The following NSUN3 variants were observed in gnomAD, a reference collection of about 807,000 sequenced individuals.
NSUN3 encodes the protein NOP2/Sun RNA methyltransferase 3.
A neutral mutation model predicts 36.8 loss-of-function variants in NSUN3; 24 were observed. The observed-to-expected ratio is 0.65, with a 90% confidence interval of 0.47 to 0.92. NSUN3 has a LOEUF of 0.92. Among genes scored for constraint, NSUN3 ranks in the 40% least tolerant of loss-of-function variants. NSUN3 has a pLI of 0.00. For synonymous variants in NSUN3, 146 were observed against 145.2 expected (o/e 1.01, Z -0.04); for missense variants, 381 against 392.8 (o/e 0.97, Z 0.25).
chr3:94,125,712 G>T (rs556325005), intron 5 of NSUN3, among the ~76,000 whole-genome samples: 56 of 152,110 alleles, frequency 3.7e-4, no homozygotes, highest in South Asian at 6.2e-4. Context: ...TTTCCATGTT[G>T]ATTGGTCTGA....
At chr3:94,074,972 A>G (rs2077240451) in intron 2 of NSUN3, among the ~76,000 whole-genome samples, 1 of 152,138 alleles carries the variant, frequency 6.6e-6, no homozygotes, top group South Asian at 2.1e-4. Context: ...ATTTTGAGAT[A>G]TGATCCATCG....
chr3:94,100,414 G>A (rs2107259930), intron 5 of NSUN3, among the ~76,000 whole-genome samples: 1 of 152,274 alleles, frequency 6.6e-6, no homozygotes, highest in African/African-American at 2.4e-5. Flanking sequence ...CTTCCGTGTG[G>A]AATCTAAGAG....
chr3:94,094,401 T>C, intron 4 of NSUN3, 107 bp downstream of exon 4: 1 of 1,131,484 alleles, frequency 8.8e-7, no homozygotes, highest in Non-Finnish European at 1.2e-6. Flanking sequence ...CCTGATACAG[T>C]TTCTCAGTAC....
intron 2 of NSUN3, chr3:94,076,870 C>G: frequency 6.5e-7 from 1 of 1,533,140 alleles, no homozygotes; most frequent in Non-Finnish European, 9.0e-7. Context: ...ATTCTCCTTT[C>G]TCACTGTCGT....
chr3:94,070,331 C>T (rs1056165009), intron 2 of NSUN3, among the ~76,000 whole-genome samples: 8 of 151,914 alleles, frequency 5.3e-5, no homozygotes, highest in East Asian at 1.9e-4. Context: ...TGTGGTGGTG[C>T]GTGCCTGTAG....
intron 2 of NSUN3, among the ~76,000 whole-genome samples, chr3:94,083,617 G>A (rs1031344650): frequency 1.3e-5 from 2 of 152,170 alleles, no homozygotes; most frequent in African/African-American, 4.8e-5. Context: ...CTATGCAAGC[G>A]TGTGATTGGT....
At chr3:94,125,784 G>A (rs369799392) in intron 5 of NSUN3, among the ~76,000 whole-genome samples, 2 of 152,306 alleles carry the variant, frequency 1.3e-5, no homozygotes, top group African/African-American at 4.8e-5. Flanking sequence ...TCAGAGATTG[G>A]GCACAGTGGC....
intron 2 of NSUN3, among the ~76,000 whole-genome samples, chr3:94,081,338 G>A (rs1018605064): frequency 6.6e-6 from 1 of 152,132 alleles, no homozygotes; most frequent in Admixed American, 6.5e-5. Flanking sequence ...GCTGCAGACC[G>A]GAGCTGTTCC....
At chr3:94,102,449 C>T (rs924220705) in intron 5 of NSUN3, among the ~76,000 whole-genome samples, 6 of 152,084 alleles carry the variant, frequency 3.9e-5, no homozygotes, top group Non-Finnish European at 8.8e-5. Flanking sequence ...CAGTTCATGT[C>T]GCATACTGTC....
intron 3 of NSUN3, among the ~76,000 whole-genome samples, chr3:94,089,559 A>C (rs1482267283): frequency 6.6e-6 from 1 of 152,230 alleles, no homozygotes; most frequent in Non-Finnish European, 1.5e-5. Flanking sequence ...AGAAAGCCTC[A>C]GGTGAGCATG....
chr3:94,115,730 G>A (rs2077437315), intron 5 of NSUN3, among the ~76,000 whole-genome samples: 1 of 152,152 alleles, frequency 6.6e-6, no homozygotes, highest in Non-Finnish European at 1.5e-5. Flanking sequence ...GCAGAAAACA[G>A]TTGAATACAG....
At position 94,106,971 on chromosome 3, in the gene NSUN3, C is replaced by CT. The variant is rs796573795; in HGVS notation, c.743+11829dup. On this transcript the variant is annotated intron_variant, in intron 5 of 5. Transcript: ENST00000314622. ...TTAAATTATATTGTAGCAATTAAAA[C>CT]TTTTTTTTTTTTCTTGAGACAGGTG... Among the ~76,000 whole-genome samples, 871 of 147,856 alleles carry CT rather than the reference C, an allele frequency of 5.9e-3. 2 individuals carry two copies. Among genetic ancestry groups the CT allele is most frequent in the Non-Finnish European group, 7.6e-3 (507 of 66,562 alleles).
rs1261460245 is a variant in NSUN3 at position 94,076,236 on chromosome 3, T to A, written c.123-7871T>A. ...TACTGAACCTGGAATATTTCATCCA[T>A]GTGACTCAGAGGAATGCAACATAAG... is the stretch of plus-strand genomic sequence containing the variant. On this transcript the variant is annotated intron_variant, in intron 2 of 5. Coordinates refer to ENST00000314622, the MANE Select transcript of NSUN3 (RefSeq NM_022072.5). 6 of 919,496 alleles carry A rather than the reference T, an allele frequency of 6.5e-6. No individual in the cohort carries two copies. The Admixed American group carries it at 6.8e-5, about 10-fold the overall frequency. 57.0% of individuals were successfully genotyped at this position (919,496 alleles called of 1,614,324 possible).
intron 5 of NSUN3, among the ~76,000 whole-genome samples, chr3:94,121,823 T>C (rs2077463363): frequency 6.6e-6 from 1 of 152,146 alleles, no homozygotes; most frequent in South Asian, 2.1e-4. Context: ...CTAGAGAGGT[T>C]ATCCCTTAAC....
At chr3:94,064,679 T>C in intron 2 of NSUN3, 133 bp downstream of exon 2, 2 of 571,622 alleles carry the variant, frequency 3.5e-6, no homozygotes, top group South Asian at 4.8e-5. Context: ...ACTGAAGCTA[T>C]AGAAAGGAAC....
intron 5 of NSUN3, among the ~76,000 whole-genome samples, chr3:94,111,586 TTTG>T (rs961212132): frequency 2.0e-5 from 3 of 152,140 alleles, no homozygotes; most frequent in South Asian, 4.1e-4. Context: ...AATTTAATTT[TTTG>T]TTGTTGTTGT....
rs1361995190 is a variant in NSUN3 at position 94,130,088 on chromosome 3, C to A, written c.*3598C>A. ...TCTTTATTGATGCTTAAAACAAACT[C>A]AGGAATAAGTATTATAACCCCCTTT... On this transcript the variant is annotated 3_prime_UTR_variant, in exon 6 of 6. Transcript: ENST00000314622. 6.6e-6 allele frequency among the ~76,000 whole-genome samples: 1 copy of A among 152,070 alleles called. No homozygotes were observed. The highest frequency in any genetic ancestry group is 2.4e-5 in the African/African-American group (1 of 41,414).
chr3:94,084,641 T>C (rs1467971014), intron 3 of NSUN3, 191 bp downstream of exon 3: 2 of 497,044 alleles, frequency 4.0e-6, no homozygotes, highest in Non-Finnish European at 7.1e-6. Context: ...TTTTCAGCAA[T>C]TTAATTCTAG....
chr3:94,100,038 A>G (rs562033054), intron 5 of NSUN3, among the ~76,000 whole-genome samples: 2 of 152,340 alleles, frequency 1.3e-5, no homozygotes, highest in South Asian at 2.1e-4. Context: ...TTTCATTCAT[A>G]TGAAGGATTG....
Sources: gnomAD v4.1 joint callset for allele counts (sites outside exome capture counted in the v4.1 genomes callset) on GRCh38, gnomAD v4.1.1 for gene constraint, MANE v1.5 for transcripts, NCBI Gene and HGNC (gene_info 2026-07-23, HGNC 2026-07-21) for gene names.